Variants in UBR1 observed in about 807,000 individuals in gnomAD.
The protein encoded by UBR1 is ubiquitin protein ligase E3 component n-recognin 1, also known as E3 ubiquitin-protein ligase UBR1.
UBR1 carries 102 observed loss-of-function variants against 242.1 expected under a neutral mutation model. The ratio of observed to expected loss-of-function variants is 0.42; its 90% confidence interval spans 0.36 to 0.50. The LOEUF is 0.50. UBR1 is among the 20% of genes least tolerant of loss of function. UBR1 has a pLI of 0.01. For synonymous variants in UBR1, 675 were observed against 684.8 expected (o/e 0.99, Z 0.22); for missense variants, 1,772 against 2,101.8 (o/e 0.84, Z 3.07).
At chr15:43,060,996 G>C (rs534824900) in intron 6 of UBR1, among the ~76,000 whole-genome samples, 15 of 150,260 alleles carry the variant, frequency 1.0e-4, no homozygotes, top group African/African-American at 3.2e-4. Flanking sequence ...TAAAAGAACA[G>C]ATTGGACAAG....
chr15:42,962,934 GAGA>G (rs2087535660), intron 42 of UBR1, among the ~76,000 whole-genome samples: 1 of 152,188 alleles, frequency 6.6e-6, no homozygotes, highest in Admixed American at 6.6e-5. Flanking sequence ...CAGAGGATGA[GAGA>G]AGACTTTCAG....
At chr15:42,998,937 CTT>C (rs35098054) in intron 32 of UBR1, among the ~76,000 whole-genome samples, 10 of 121,250 alleles carry the variant, frequency 8.2e-5, no homozygotes, top group African/African-American at 1.2e-4. Context: ...GGAGCCTTTG[CTT>C]TTTTTTTTTT....
chr15:42,947,971 T>C (rs939583520), intron 46 of UBR1, among the ~76,000 whole-genome samples: 5 of 152,094 alleles, frequency 3.3e-5, no homozygotes, highest in African/African-American at 1.2e-4. Context: ...GAGCCTGCAT[T>C]GCCAAGTCAA....
chr15:43,100,065 A>G (rs1414783341), intron 1 of UBR1, among the ~76,000 whole-genome samples: 1 of 151,950 alleles, frequency 6.6e-6, no homozygotes, highest in African/African-American at 2.4e-5. Context: ...TTAGTTGAGA[A>G]GGGGTTTCAC....
chr15:43,059,546 C>T (rs1449993160), intron 8 of UBR1, among the ~76,000 whole-genome samples, 156 bp downstream of exon 8: 2 of 141,888 alleles, frequency 1.4e-5, no homozygotes, highest in Admixed American at 7.2e-5. Context: ...AGATATTATA[C>T]ATTTGAAATG....
chr15:42,999,219 G>A (rs1374553793), intron 32 of UBR1, among the ~76,000 whole-genome samples: 21 of 152,272 alleles, frequency 1.4e-4, no homozygotes, highest in African/African-American at 4.6e-4. Context: ...GATTACAGGC[G>A]TGGGCCACCA....
chr15:43,080,035 T>C (rs1233234731), intron 3 of UBR1, among the ~76,000 whole-genome samples: 1 of 152,240 alleles, frequency 6.6e-6, no homozygotes, highest in Non-Finnish European at 1.5e-5. Flanking sequence ...AGGTGTCTAT[T>C]TGAGCAAGAA....
At chr15:42,992,670 C>T (rs1290277626) in intron 33 of UBR1, among the ~76,000 whole-genome samples, 1 of 152,128 alleles carries the variant, frequency 6.6e-6, no homozygotes, top group Non-Finnish European at 1.5e-5. Context: ...CTTGTGTGGA[C>T]CTCAAAAATA....
intron 32 of UBR1, among the ~76,000 whole-genome samples, chr15:43,000,051 A>T (rs904064268): frequency 2.0e-5 from 3 of 152,130 alleles, no homozygotes; most frequent in African/African-American, 7.2e-5. Context: ...ATTAGTTTTA[A>T]ATTTTTTCGT....
chr15:43,078,931 A>C (rs976581897), intron 3 of UBR1, among the ~76,000 whole-genome samples: 3 of 152,226 alleles, frequency 2.0e-5, no homozygotes, highest in African/African-American at 7.2e-5. Context: ...AAAAAAAAAT[A>C]CAAGAAGATG....
chr15:43,027,298 C>A (rs2033190817), intron 22 of UBR1, among the ~76,000 whole-genome samples: 1 of 151,876 alleles, frequency 6.6e-6, no homozygotes. Context: ...AAACACAATA[C>A]TGTAACAAGT....
intron 44 of UBR1, among the ~76,000 whole-genome samples, chr15:42,956,165 G>A (rs1387620755): frequency 6.6e-6 from 1 of 152,114 alleles, no homozygotes; most frequent in African/African-American, 2.4e-5. Context: ...TGTTTAATGG[G>A]CTTCCATGTA....
chr15:42,950,153 T>C, intron 46 of UBR1, 109 bp downstream of exon 46: 1 of 1,071,734 alleles, frequency 9.3e-7, no homozygotes, highest in Non-Finnish European at 1.4e-6. Flanking sequence ...TTACCTTTTG[T>C]GATTAAAGAA....
At chr15:43,047,037 A>G (rs2033494982) in intron 14 of UBR1, 124 bp downstream of exon 14, 2 of 1,159,538 alleles carry the variant, frequency 1.7e-6, no homozygotes, top group South Asian at 1.4e-5. Context: ...AGAAATTCAA[A>G]TATGTAAAAA....
chr15:43,011,051 G>C (rs2032916939), intron 29 of UBR1, among the ~76,000 whole-genome samples: 1 of 151,492 alleles, frequency 6.6e-6, no homozygotes, highest in Admixed American at 6.6e-5. Flanking sequence ...CACGCCCATA[G>C]TCCCAGCTAC....
At chr15:43,081,969 T>C (rs1161777456) in intron 3 of UBR1, among the ~76,000 whole-genome samples, 1 of 152,068 alleles carries the variant, frequency 6.6e-6, no homozygotes, top group Non-Finnish European at 1.5e-5. Flanking sequence ...TATGGTTAAA[T>C]ATTATATACA....
chr15:43,059,282 C>G, intron 8 of UBR1, 90 bp from the exon 9 acceptor site: 1 of 1,149,128 alleles, frequency 8.7e-7, no homozygotes, highest in Non-Finnish European at 1.3e-6. Flanking sequence ...CCAGGTTGGT[C>G]TTGAACTCCT....
chr15:42,973,333 G>A (rs569994881), intron 39 of UBR1, among the ~76,000 whole-genome samples: 5 of 152,186 alleles, frequency 3.3e-5, no homozygotes, highest in East Asian at 1.9e-4. Flanking sequence ...GTCTTGTTCC[G>A]TTGCCAGGAT....
intron 5 of UBR1, among the ~76,000 whole-genome samples, chr15:43,068,675 C>T (rs990664670): frequency 1.3e-5 from 2 of 152,098 alleles, no homozygotes; most frequent in South Asian, 2.1e-4. Context: ...GGCTGGAGTA[C>T]GGTGGCGCAA....
Sources: gnomAD v4.1 joint callset for allele counts (sites outside exome capture counted in the v4.1 genomes callset) on GRCh38, gnomAD v4.1.1 for gene constraint, MANE v1.5 for transcripts, NCBI Gene and HGNC (gene_info 2026-07-23, HGNC 2026-07-21) for gene names.